Variants in RHPN2 observed in about 807,000 individuals in gnomAD.
RHPN2 encodes the protein rhophilin Rho GTPase binding protein 2, also known as rhophilin-2.
A neutral mutation model predicts 79.0 loss-of-function variants in RHPN2; 40 were observed. The observed-to-expected ratio is 0.51, with a 90% CI of 0.39 to 0.66. The LOEUF (loss-of-function observed/expected upper bound fraction) is 0.66. Ranked by LOEUF, RHPN2 falls within the 30% of genes least tolerant of loss-of-function variation. The pLI, the probability that RHPN2 is intolerant of heterozygous loss-of-function variation, is 0.00. For missense variants in RHPN2, 686 were observed against 883.5 expected (o/e 0.78, Z 2.83); for synonymous variants, 285 against 363.5 (o/e 0.78, Z 2.46).
At chr19:33,027,043 G>A in intron 2 of RHPN2, 1 of 310,704 alleles carries the variant, frequency 3.2e-6, no homozygotes, top group Non-Finnish European at 6.4e-6. Context: ...GATCAGCTGA[G>A]GTCAGGAGTT....
At position 32,980,155 on chromosome 19, in the gene RHPN2, G is replaced by C; in HGVS notation, c.1902C>G (p.Ile634Met). The C allele has an allele frequency of 6.2e-7, 1 of 1,613,956 alleles. No homozygotes were observed. Among genetic ancestry groups the C allele is most frequent in the South Asian group, 1.1e-5 (1 of 91,078 alleles). ...AACTCAGGAAGGAAAGCTTCTTGGA[G>C]ATTTTCTTGGTTTTATCAGTTTTGT... ...DDDKTDKTKK[I>M]SKKLSFLSWG... is the part of the protein sequence containing the mutation. The change falls in exon 15 of 15, where the codon ATC becomes ATG. Residue 634 changes from isoleucine to methionine, a missense_variant. By Grantham distance (10) the Ile-to-Met change is conservative. Transcript: ENST00000254260.
Position 33,002,412 on chromosome 19 carries a change from G to C in RHPN2, c.949-9C>G. The C allele has an allele frequency of 6.2e-7, 1 of 1,613,830 alleles. No homozygotes were observed. Among genetic ancestry groups the C allele is most frequent in the South Asian group, 1.1e-5 (1 of 91,070 alleles). Reference sequence around the variant, plus strand: ...TGGTAGACCTCTCCCACCTGAAATAGAAGGGACACTGGGAAGGGGCAGCCC... The same window carrying C: ...TGGTAGACCTCTCCCACCTGAAATACAAGGGACACTGGGAAGGGGCAGCCC... On this transcript the variant is annotated splice_polypyrimidine_tract_variant and intron_variant, in intron 8 of 14. Coordinates refer to ENST00000254260, the MANE Select transcript of RHPN2 (RefSeq NM_033103.5).
chr19:33,057,916 T>C (rs2145273646), intron 1 of RHPN2, among the ~76,000 whole-genome samples: 1 of 152,154 alleles, frequency 6.6e-6, no homozygotes, highest in East Asian at 1.9e-4. Context: ...TCCCAGCACT[T>C]TGGGAGGCCA....
At chr19:33,019,957 T>C (rs934637386) in intron 4 of RHPN2, among the ~76,000 whole-genome samples, 1 of 151,972 alleles carries the variant, frequency 6.6e-6, no homozygotes, top group Admixed American at 6.6e-5. Context: ...ACTGATGGAG[T>C]TGAAGAGGGA....
intron 2 of RHPN2, among the ~76,000 whole-genome samples, chr19:33,029,734 G>C (rs911711896): frequency 3.3e-5 from 5 of 152,088 alleles, no homozygotes; most frequent in Non-Finnish European, 5.9e-5. Context: ...TAATCTAGGA[G>C]GACTTGCAAA....
intron 2 of RHPN2, among the ~76,000 whole-genome samples, chr19:33,037,329 C>G (rs892925933): frequency 6.6e-6 from 1 of 152,142 alleles, no homozygotes; most frequent in African/African-American, 2.4e-5. Context: ...TGTAAATGCA[C>G]CAATCAGCAC....
chr19:33,008,981 A>C (rs2145236245), intron 6 of RHPN2, among the ~76,000 whole-genome samples: 1 of 151,784 alleles, frequency 6.6e-6, no homozygotes, highest in South Asian at 2.1e-4. Flanking sequence ...GATGCAGAGG[A>C]AACATTACTA....
At chr19:33,023,985 G>A (rs1455305342) in intron 3 of RHPN2, among the ~76,000 whole-genome samples, 1 of 152,060 alleles carries the variant, frequency 6.6e-6, no homozygotes, top group Non-Finnish European at 1.5e-5. Flanking sequence ...CTTCGGCATG[G>A]CAAATGCGAG....
At chr19:33,009,774 A>T (rs1971821767) in intron 6 of RHPN2, among the ~76,000 whole-genome samples, 2 of 149,316 alleles carry the variant, frequency 1.3e-5, no homozygotes, top group Admixed American at 6.8e-5. Context: ...TTTTATTTTT[A>T]TTTTTTTTAT....
chr19:33,009,071 A>C (rs563727609), intron 6 of RHPN2, among the ~76,000 whole-genome samples: 24 of 151,392 alleles, frequency 1.6e-4, no homozygotes, highest in Admixed American at 1.3e-3. Flanking sequence ...AAAACCCTGG[A>C]GACAGAAGAA....
chr19:33,060,624 G>A (rs1176077922), intron 1 of RHPN2, among the ~76,000 whole-genome samples: 2 of 151,988 alleles, frequency 1.3e-5, no homozygotes, highest in African/African-American at 4.8e-5. Flanking sequence ...CCTCAACCTC[G>A]TGGGCTCCGG....
At chr19:32,981,365 T>G (rs1819923221) in intron 14 of RHPN2, among the ~76,000 whole-genome samples, 1 of 125,964 alleles carries the variant, frequency 7.9e-6, no homozygotes, top group South Asian at 2.6e-4. Flanking sequence ...ATTGTGCCAC[T>G]GCACTCCAGC....
At chr19:32,983,328 T>C (rs113066557) in intron 14 of RHPN2, among the ~76,000 whole-genome samples, 18,614 of 151,926 alleles carry the variant, frequency 0.12, 1,232 homozygotes, top group South Asian at 0.16. Context: ...GGGGCTAACA[T>C]GGTGAAACCC....
At chr19:33,048,738 A>C (rs1023440352) in intron 1 of RHPN2, among the ~76,000 whole-genome samples, 2 of 151,280 alleles carry the variant, frequency 1.3e-5, no homozygotes, top group Non-Finnish European at 1.5e-5. Flanking sequence ...AAAAAAAAAA[A>C]AAAAAAACTT....
intron 13 of RHPN2, among the ~76,000 whole-genome samples, chr19:32,990,984 G>A (rs12459062): frequency 0.09 from 13,471 of 149,368 alleles, 673 homozygotes; most frequent in South Asian, 0.23. Flanking sequence ...AGCCGAGATC[G>A]TGCCACTGCC....
At position 33,012,644 on chromosome 19, in the gene RHPN2, T is replaced by C. The variant is rs369125766; in HGVS notation, c.468+3A>G. 3.8e-6 allele frequency: 6 copies of C among 1,591,162 alleles called. No homozygotes were observed. Among genetic ancestry groups the C allele is most frequent in the Non-Finnish European group, 5.2e-6 (6 of 1,159,226 alleles). ...CCCCTCTCTGCTGCACACAAAAACT[T>C]ACTTGTCTCAGATCCATAAGATCTG... On this transcript the variant is annotated splice_donor_region_variant and intron_variant, in intron 5 of 14. Transcript: ENST00000254260.
chr19:33,047,458 C>A (rs1972150817), intron 1 of RHPN2, among the ~76,000 whole-genome samples: 1 of 152,138 alleles, frequency 6.6e-6, no homozygotes, highest in South Asian at 2.1e-4. Context: ...TCTTCCCACC[C>A]CAGACAGGTA....
intron 1 of RHPN2, among the ~76,000 whole-genome samples, chr19:33,046,068 T>C (rs972409668): frequency 1.5e-4 from 22 of 150,824 alleles, no homozygotes; most frequent in Non-Finnish European, 3.1e-4. Flanking sequence ...ATTACATAGA[T>C]ACACCACACT....
chr19:33,044,223 A>G (rs887101779), intron 2 of RHPN2, 26 bp downstream of exon 2: 36 of 1,532,246 alleles, frequency 2.3e-5, no homozygotes, highest in Non-Finnish European at 3.2e-5. Context: ...GACTCAGGAG[A>G]GGCAGGGAAG....
Sources: allele counts gnomAD v4.1 joint callset (sites outside exome capture counted in the v4.1 genomes callset), GRCh38; gene constraint gnomAD v4.1.1; transcripts MANE v1.5; gene names NCBI Gene and HGNC (gene_info 2026-07-23, HGNC 2026-07-21).